The following RPL19 variants were observed in gnomAD, a reference collection of about 807,000 sequenced individuals.
RPL19 encodes the protein ribosomal protein L19, also known as large ribosomal subunit protein eL19.
A neutral mutation model predicts 25.1 loss-of-function variants in RPL19; 2 were observed. That is an observed-to-expected ratio of 0.08 (90% CI 0.03 to 0.25). RPL19 has a LOEUF of 0.25. Among genes scored for constraint, RPL19 ranks in the 10% least tolerant of loss-of-function variants. RPL19 has a pLI of 1.00. For missense variants in RPL19, 123 were observed against 271.8 expected (o/e 0.45, Z 3.85); for synonymous variants, 89 against 91.2 (o/e 0.98, Z 0.14).
intron 2 of RPL19, 69 bp downstream of exon 2, chr17:39,201,388 C>A (rs952212270): frequency 3.2e-5 from 28 of 886,068 alleles, no homozygotes; most frequent in Non-Finnish European, 4.5e-5. Flanking sequence ...AATGATAACA[C>A]AATTGTGTTG....
At chr17:39,200,478 G>C in intron 1 of RPL19, 129 bp downstream of exon 1, 2 of 1,328,812 alleles carry the variant, frequency 1.5e-6, no homozygotes, top group Non-Finnish European at 9.7e-7. Context: ...CGGGGTTTGG[G>C]GTAGGCCGGA....
intron 4 of RPL19, 22 bp downstream of exon 4, chr17:39,203,131 C>T: frequency 6.2e-7 from 1 of 1,606,668 alleles, no homozygotes; most frequent in Non-Finnish European, 8.5e-7. Context: ...CTCTTGGGCC[C>T]AGTACCCATT....
chr17:39,203,077 A>G lies in RPL19; in HGVS notation c.324A>G (p.Arg108=), dbSNP rs2046301716. Residue 108 remains arginine (R), a synonymous_variant, in exon 4 of 6, where the codon AGA becomes AGG. Coordinates refer to ENST00000225430, the MANE Select transcript of RPL19 (RefSeq NM_000981.4). ...GGATTTTGCGCCGGCTGCTCAGAAG[A>G]TACCGTGAATCTAAGAAGATCGATC... The part of the protein sequence containing the change: ...RMRILRRLLR[R]YRESKKIDRH... 1 of 1,613,354 alleles carries G rather than the reference A, an allele frequency of 6.2e-7. No homozygotes were observed. Among genetic ancestry groups the G allele is most frequent in the South Asian group, 1.1e-5 (1 of 91,072 alleles).
intron 1 of RPL19, chr17:39,200,785 C>T (rs1420891922): frequency 9.6e-7 from 1 of 1,037,170 alleles, no homozygotes; most frequent in African/African-American, 1.7e-5. Context: ...TTTGGCCTCT[C>T]ATAAAGGAAA....
intron 2 of RPL19, among the ~76,000 whole-genome samples, chr17:39,201,603 C>T (rs1429226565): frequency 1.3e-5 from 2 of 151,780 alleles, no homozygotes; most frequent in African/African-American, 4.8e-5. Context: ...GACAGAGTCT[C>T]ACTTTGTCAC....
Position 39,200,333 on chromosome 17 carries a change from G to A in RPL19, c.-12G>A. ...GAGCGAGCTCTTTCCTTTCGCTGCTGCGGCCGCAGCCATGAGGTGAGGGCG... is the reference window on the plus strand; with the variant it reads ...GAGCGAGCTCTTTCCTTTCGCTGCTACGGCCGCAGCCATGAGGTGAGGGCG... On this transcript the variant is annotated 5_prime_UTR_variant, in exon 1 of 6. Transcript: ENST00000225430. The A allele has an allele frequency of 1.3e-6, 2 of 1,558,376 alleles. No homozygotes were observed. The highest frequency in any genetic ancestry group is 1.7e-6 in the Non-Finnish European group (2 of 1,154,332).
intron 3 of RPL19, 120 bp downstream of exon 3, chr17:39,202,559 G>A: frequency 1.6e-6 from 2 of 1,287,628 alleles, no homozygotes; most frequent in East Asian, 2.4e-5. Context: ...GATATTTGAT[G>A]TGTTTTCTGC....
At chr17:39,200,998 C>T (rs1419699591) in intron 1 of RPL19, 2 of 501,400 alleles carry the variant, frequency 4.0e-6, no homozygotes, top group Non-Finnish European at 7.0e-6. Flanking sequence ...AGGAGAAATG[C>T]GAACATGAGG....
chr17:39,203,326 C>T (rs948241835), intron 4 of RPL19, among the ~76,000 whole-genome samples: 3 of 151,756 alleles, frequency 2.0e-5, no homozygotes, highest in African/African-American at 7.3e-5. Context: ...GGACTACAGG[C>T]ATGTGCCACC....
intron 1 of RPL19, chr17:39,200,990 G>C: frequency 2.0e-6 from 1 of 500,218 alleles, no homozygotes; most frequent in Non-Finnish European, 3.5e-6. Context: ...CTTTCCAGAG[G>C]AGAAATGCGA....
At chr17:39,200,417 C>G (rs1234913309) in intron 1 of RPL19, 68 bp downstream of exon 1, 5 of 1,454,774 alleles carry the variant, frequency 3.4e-6, no homozygotes, top group Non-Finnish European at 4.6e-6. Context: ...CTTGGGACCG[C>G]AGCTGGGGTT....
chr17:39,204,633 A>G lies in RPL19; in HGVS notation c.576A>G (p.Glu192=), dbSNP rs765745284. ...EEIIKTLSKE[E]ETKK ...TCATCAAGACTTTATCCAAGGAGGA[A>G]GAGACCAAGAAATAAAACCTCCCAC... is the stretch of plus-strand genomic sequence containing the variant. Residue 192 remains glutamate, a synonymous_variant, in exon 6 of 6, where the codon GAA becomes GAG. Transcript: ENST00000225430. The G allele has an allele frequency of 6.2e-7, 1 of 1,613,984 alleles. No homozygotes were observed. Among genetic ancestry groups the G allele is most frequent in the African/African-American group, 1.3e-5 (1 of 74,920 alleles).
At chr17:39,203,634 A>G (rs540681224) in intron 4 of RPL19, among the ~76,000 whole-genome samples, 1 of 151,586 alleles carries the variant, frequency 6.6e-6, no homozygotes, top group East Asian at 1.9e-4. Context: ...TCACCGTCTC[A>G]AGTACCTGGG....
rs1247755637 is a variant in RPL19 at position 39,202,325 on chromosome 17, A to G, written c.121A>G (p.Ile41Val). The change falls in exon 3 of 6, where the codon ATC becomes GTC. Residue 41 changes from isoleucine to valine, a missense_variant. Coordinates refer to ENST00000225430, the MANE Select transcript of RPL19 (RefSeq NM_000981.4). ...EIANANSRQQIRKLIKDGLII... is the reference protein window; with the variant it reads ...EIANANSRQQVRKLIKDGLII... ...GCATTATGCTTTCCCAGGTCAGCAGATCCGGAAGCTCATCAAAGATGGGCT... is the reference window on the plus strand; with the variant it reads ...GCATTATGCTTTCCCAGGTCAGCAGGTCCGGAAGCTCATCAAAGATGGGCT... 6.2e-7 allele frequency: 1 copy of G among 1,613,786 alleles called. No individual in the cohort carries two copies. Among genetic ancestry groups the G allele is most frequent in the Non-Finnish European group, 8.5e-7 (1 of 1,179,940 alleles).
rs2046280125 is a variant in RPL19, at chr17:39,200,654, CT to C, written c.5+307del. The C allele has an allele frequency of 1.2e-5, 14 of 1,156,570 alleles. No homozygotes were observed. The South Asian group carries it at 4.4e-4, about 36-fold the overall frequency. 71.6% of individuals were successfully genotyped at this position (1,156,570 alleles called of 1,614,324 possible). ...AGACCAAGCCGTGGGCCCTTTCTTG[CT>C]TGGCACACCCGGAGCGGAGCCGATC... On this transcript the variant is annotated intron_variant, in intron 1 of 5. Transcript: ENST00000225430.
At chr17:39,201,714 G>A (rs997044584) in intron 2 of RPL19, among the ~76,000 whole-genome samples, 4 of 152,080 alleles carry the variant, frequency 2.6e-5, no homozygotes, top group African/African-American at 4.8e-5. Context: ...CTGGGACTAA[G>A]GCACGTGCCA....
intron 1 of RPL19, among the ~76,000 whole-genome samples, chr17:39,200,946 C>T (rs186553215): frequency 1.5e-4 from 23 of 152,096 alleles, no homozygotes; most frequent in Non-Finnish European, 2.6e-4. Context: ...AATGGCATAA[C>T]CCCCCTATTC....
At chr17:39,201,445 G>A in intron 2 of RPL19, 126 bp downstream of exon 2, 2 of 634,246 alleles carry the variant, frequency 3.2e-6, no homozygotes, top group Non-Finnish European at 5.5e-6. Context: ...GTCCAGGCTG[G>A]AGTGTAGTGG....
At position 39,202,436 on chromosome 17, in the gene RPL19, A is replaced by T; in HGVS notation, c.232A>T (p.Ile78Leu). Reference sequence around the variant, plus strand: ...CCGCCGGAAGGGCAGGCACATGGGCATAGGTAAGTGTGGTCATCTTCTCCT... The same window carrying T: ...CCGCCGGAAGGGCAGGCACATGGGCTTAGGTAAGTGTGGTCATCTTCTCCT... Reference protein sequence around the residue: ...LARRKGRHMGIGKRKGTANAR... With the variant: ...LARRKGRHMGLGKRKGTANAR... Residue 78 changes from isoleucine (I) to leucine (L), a missense_variant, in exon 3 of 6, where the codon ATA becomes TTA. Coordinates refer to ENST00000225430, the MANE Select transcript of RPL19 (RefSeq NM_000981.4). 6.2e-7 allele frequency: 1 copy of T among 1,614,190 alleles called. No individual in the cohort carries two copies.
Sources: allele counts gnomAD v4.1 joint callset (sites outside exome capture counted in the v4.1 genomes callset), GRCh38; gene constraint gnomAD v4.1.1; transcripts MANE v1.5; gene names NCBI Gene and HGNC (gene_info 2026-07-23, HGNC 2026-07-21).